The following B4GALNT1 variants were observed in gnomAD, a reference collection of about 807,000 sequenced individuals.
B4GALNT1 encodes beta-1,4-N-acetyl-galactosaminyltransferase 1.
A neutral mutation model predicts 55.2 loss-of-function variants in B4GALNT1; 43 were observed. That is an observed-to-expected ratio of 0.78 (90% CI 0.61 to 1.00). The LOEUF is 1.00. B4GALNT1 is among the 50% of genes least tolerant of loss of function. B4GALNT1 has a pLI of 0.00. For synonymous variants in B4GALNT1, 305 were observed against 311.6 expected (o/e 0.98, Z 0.22); for missense variants, 664 against 729.7 (o/e 0.91, Z 1.04).
Position 57,623,465 on chromosome 12 carries a change from G to A in B4GALNT1, c.*3279C>T, listed in dbSNP as rs1884591853. 2.3e-6 allele frequency: 1 copy of A among 439,112 alleles called. No individual in the cohort carries two copies. Among genetic ancestry groups the A allele is most frequent in the Non-Finnish European group, 4.0e-6 (1 of 247,966 alleles). The allele number at this position is 439,112 out of a possible 1,614,324, so 27.2% of individuals were successfully genotyped here. A position where few individuals can be genotyped will look rare whatever the true frequency, so the allele number is the denominator to read the frequency against. On this transcript the variant is annotated 3_prime_UTR_variant, in exon 11 of 11. Transcript: ENST00000341156. ...CACACAATGACATTGTCTTTTAAAA[G>A]GAATATCACATATCAAAGTCTCCCC...
chr12:57,623,531 C>T lies in B4GALNT1; in HGVS notation c.*3213G>A. On this transcript the variant is annotated 3_prime_UTR_variant, in exon 11 of 11. Coordinates refer to ENST00000341156, the MANE Select transcript of B4GALNT1 (RefSeq NM_001478.5). ...TCCCTTACTTTGCTGGTGCCCTAAA[C>T]ACATATACCCTGCTTATAGGGTAAC... 1 of 467,440 alleles carries T rather than the reference C, an allele frequency of 2.1e-6. No individual in the cohort carries two copies. Among genetic ancestry groups the T allele is most frequent in the Non-Finnish European group, 3.8e-6 (1 of 263,928 alleles). The allele number at this position is 467,440 out of a possible 1,614,324, so 29.0% of individuals were successfully genotyped here.
Position 57,628,837 on chromosome 12 carries a change from C to T in B4GALNT1, c.878G>A (p.Arg293Gln), listed in dbSNP as rs761637341. 11 of 1,614,146 alleles carry T rather than the reference C, an allele frequency of 6.8e-6. No homozygotes were observed. Among genetic ancestry groups the T allele is most frequent in the East Asian group, 4.5e-5 (2 of 44,888 alleles). Residue 293 changes from arginine to glutamine, a missense_variant, in exon 8 of 11, where the codon CGG becomes CAG. Physicochemically the swap from Arg to Gln is conservative, Grantham distance 43. Transcript: ENST00000341156. The stretch of plus-strand genomic sequence containing the variant: ...GCGGCGGATACTGGTGATGAGAGCC[C>T]GTAGCCGATCATAACGGAGGAAGGT... ...TKTFLRYDRL[R>Q]ALITSIRRFY...
intron 7 of B4GALNT1, 65 bp downstream of exon 7, chr12:57,628,983 G>T (rs910057961): frequency 6.3e-7 from 1 of 1,594,796 alleles, no homozygotes. Flanking sequence ...TCCCAGGACT[G>T]CCCTCTCCCA....
chr12:57,623,954 G>GCTT lies in B4GALNT1; in HGVS notation c.*2789_*2790insAAG. On this transcript the variant is annotated 3_prime_UTR_variant, in exon 11 of 11. Coordinates refer to ENST00000341156, the MANE Select transcript of B4GALNT1 (RefSeq NM_001478.5). ...GGCATGAGCATGGCTGGGAGGGGTAGCTGTATTCCAGGACATCGAGGTAGT... is the reference window on the plus strand; with the variant it reads ...GGCATGAGCATGGCTGGGAGGGGTAGCTTCTGTATTCCAGGACATCGAGGTAGT... 2 of 1,613,284 alleles carry GCTT rather than the reference G, an allele frequency of 1.2e-6. No individual in the cohort carries two copies. The highest frequency in any genetic ancestry group is 1.7e-4 in the Middle Eastern group (1 of 6,054).
Position 57,627,150 on chromosome 12 carries a change from G to A in B4GALNT1, c.1385-189C>T, listed in dbSNP as rs10083154. Among the ~76,000 whole-genome samples the A allele has an allele frequency of 0.37, 56,922 of 151,874 alleles. 11,168 individuals carry two copies. Among genetic ancestry groups the A allele is most frequent in the East Asian group, 0.63 (3,243 of 5,142 alleles). ...GTGTAAATGGAGTCAATATACTTGT[G>A]CTTTGAAAATCGAAAAACCTACCCC... On this transcript the variant is annotated intron_variant, in intron 10 of 10. Coordinates refer to ENST00000341156, the MANE Select transcript of B4GALNT1 (RefSeq NM_001478.5).
In B4GALNT1 at chr12:57,626,515, C is replaced by T; in HGVS notation, c.*229G>A. 1.8e-6 allele frequency: 1 copy of T among 570,226 alleles called. No homozygotes were observed. The highest frequency in any genetic ancestry group is 3.1e-5 in the Admixed American group (1 of 32,404). 35.3% of individuals were successfully genotyped at this position (570,226 alleles called of 1,614,324 possible). A position where few individuals can be genotyped will look rare whatever the true frequency, so the allele number is the denominator to read the frequency against. On this transcript the variant is annotated 3_prime_UTR_variant, in exon 11 of 11. Coordinates refer to ENST00000341156, the MANE Select transcript of B4GALNT1 (RefSeq NM_001478.5). Reference sequence around the variant, plus strand: ...GAATGGGCAGGGGGAGGACTTGGCACTGGCTGTGGGAGAGGTTATGGCTCC... The same window carrying T: ...GAATGGGCAGGGGGAGGACTTGGCATTGGCTGTGGGAGAGGTTATGGCTCC...
Position 57,630,500 on chromosome 12 carries a change from G to A in B4GALNT1, c.509C>T (p.Ala170Val), listed in dbSNP as rs1131691417. The change falls in exon 5 of 11, where the codon GCT (alanine) becomes GTT (valine). Residue 170 changes from alanine to valine, a missense_variant. By Grantham distance (64) the Ala-to-Val change is moderately conservative. Coordinates refer to ENST00000341156, the MANE Select transcript of B4GALNT1 (RefSeq NM_001478.5). ...ILVPGLSLQA[A>V]SGQEVYQVNL... The stretch of plus-strand genomic sequence containing the variant: ...CACCTGGTATACCTCCTGACCAGAA[G>A]CTGCCTGAAGGCTCAGCCCTAGGAG... The A allele has an allele frequency of 3.7e-6, 6 of 1,609,210 alleles. No individual in the cohort carries two copies. Among genetic ancestry groups the A allele is most frequent in the East Asian group, 2.2e-5 (1 of 44,860 alleles).
In B4GALNT1 at chr12:57,624,314, G is replaced by C; in HGVS notation, c.*2430C>G. The C allele has an allele frequency of 6.4e-6, 4 of 629,832 alleles. No individual in the cohort carries two copies. Among genetic ancestry groups the C allele is most frequent in the South Asian group, 1.9e-5 (1 of 53,102 alleles). The allele number at this position is 629,832 out of a possible 1,614,324, so 39.0% of individuals were successfully genotyped here. Reference sequence around the variant, plus strand: ...TATTTGTAACTTCCCAACTGGTGCGGGTCATTACATTTGGTGTGTGTCCCA... The same window carrying C: ...TATTTGTAACTTCCCAACTGGTGCGCGTCATTACATTTGGTGTGTGTCCCA... On this transcript the variant is annotated 3_prime_UTR_variant, in exon 11 of 11. Transcript: ENST00000341156.
rs1594975690 is a variant in B4GALNT1 at position 57,626,574 on chromosome 12, G to A, written c.*170C>T. On this transcript the variant is annotated 3_prime_UTR_variant, in exon 11 of 11. Coordinates refer to ENST00000341156, the MANE Select transcript of B4GALNT1 (RefSeq NM_001478.5). ...TCTGGGCACTGGAAAAAGGAGGGGT[G>A]TCACCAGGACAACCCCTACTGGGCA... 2 of 735,462 alleles carry A rather than the reference G, an allele frequency of 2.7e-6. No individual in the cohort carries two copies. The highest frequency in any genetic ancestry group is 5.3e-5 in the East Asian group (2 of 37,712). The allele number at this position is 735,462 out of a possible 1,614,324, so 45.6% of individuals were successfully genotyped here.
At chr12:57,629,706 G>T (rs539029805) in intron 6 of B4GALNT1, 3 of 1,326,314 alleles carry the variant, frequency 2.3e-6, no homozygotes, top group Non-Finnish European at 3.0e-6. Context: ...TGAGAAAATA[G>T]AAAGTGCAAA....
At position 57,627,730 on chromosome 12, in the gene B4GALNT1, G is replaced by A. The variant is rs143066025; in HGVS notation, c.1272C>T (p.Val424=). ...RQRRGFHHEL[V]GFPGCVVTDG... is the part of the protein sequence containing the mutation. ...CGGTGACCACGCAGCCTGGGAAGCC[G>A]ACGAGCTCGTGGTGGAAGCCGCGCC... The change falls in exon 10 of 11, where the codon GTC becomes GTT. Residue 424 remains valine (V), a synonymous_variant. Coordinates refer to ENST00000341156, the MANE Select transcript of B4GALNT1 (RefSeq NM_001478.5). The A allele has an allele frequency of 2.8e-4, 451 of 1,611,688 alleles. 1 individual carries two copies. In the African/African-American group the frequency reaches 5.4e-3, roughly 19 times the overall value.
In B4GALNT1 at chr12:57,630,507, GA is replaced by G; in HGVS notation, c.501del (p.Gln168ArgfsTer11). 2 of 1,608,882 alleles carry G rather than the reference GA, an allele frequency of 1.2e-6. No homozygotes were observed. The highest frequency in any genetic ancestry group is 1.7e-6 in the Non-Finnish European group (2 of 1,177,568). ...LRSILVPGLS[L>X]QAASGQEVYQ... ...TATACCTCCTGACCAGAAGCTGCCT[GA>G]AGGCTCAGCCCTAGGAGAAAGGAGT... On this transcript the variant is annotated frameshift_variant, in exon 5 of 11. Transcript: ENST00000341156. LOFTEE classifies it high-confidence loss of function.
intron 8 of B4GALNT1, 112 bp downstream of exon 8, chr12:57,628,601 C>G (rs1594980835): frequency 1.5e-6 from 2 of 1,293,708 alleles, no homozygotes; most frequent in East Asian, 4.9e-5. Flanking sequence ...TAACAGGCAC[C>G]CCATGATTCT....
At chr12:57,627,468 G>C in intron 10 of B4GALNT1, 150 bp downstream of exon 10, 1 of 844,870 alleles carries the variant, frequency 1.2e-6, no homozygotes, top group South Asian at 4.6e-5. Context: ...CTCTCGCCCA[G>C]GTGCAGGTCT....
At position 57,632,104 on chromosome 12, in the gene B4GALNT1, G is replaced by A; in HGVS notation, c.29C>T (p.Ala10Val). The A allele has an allele frequency of 6.7e-7, 1 of 1,481,698 alleles. No homozygotes were observed. Among genetic ancestry groups the A allele is most frequent in the Non-Finnish European group, 9.0e-7 (1 of 1,115,002 alleles). The allele number at this position is 1,481,698 out of a possible 1,614,324, so 91.8% of individuals were successfully genotyped here. A position where few individuals can be genotyped will look rare whatever the true frequency, so the allele number is the denominator to read the frequency against. Reference sequence around the variant, plus strand: ...GGCGCAGGCGAGCAGAAGGACCAGAGCGCACAGGGCCCGGCGGCCCAGCCA... The same window carrying A: ...GGCGCAGGCGAGCAGAAGGACCAGAACGCACAGGGCCCGGCGGCCCAGCCA... MWLGRRALCALVLLLACASL... is the reference protein window; with the variant it reads MWLGRRALCVLVLLLACASL... Residue 10 changes from alanine to valine, a missense_variant, in exon 2 of 11, where the codon GCT (alanine) becomes GTT (valine). Physicochemically the swap from Ala to Val is moderately conservative, Grantham distance 64. Coordinates refer to ENST00000341156, the MANE Select transcript of B4GALNT1 (RefSeq NM_001478.5).
chr12:57,627,399 T>A (rs1404243092), intron 10 of B4GALNT1, among the ~76,000 whole-genome samples: 1 of 131,600 alleles, frequency 7.6e-6, no homozygotes, highest in Non-Finnish European at 1.6e-5. Context: ...TAACAAAAAA[T>A]ATATATATTT....
At position 57,626,681 on chromosome 12, in the gene B4GALNT1, G is replaced by A; in HGVS notation, c.*63C>T. The A allele has an allele frequency of 6.3e-7, 1 of 1,589,638 alleles. No individual in the cohort carries two copies. On this transcript the variant is annotated 3_prime_UTR_variant, in exon 11 of 11. Transcript: ENST00000341156. ...GCTCACAGGGTGGTGGGGTTTGTTG[G>A]AAATTCCTGGCAGGGACAAGGAGGC...
In B4GALNT1 at chr12:57,626,907, A is replaced by G. The variant is rs1565737261; in HGVS notation, c.1439T>C (p.Val480Ala). The G allele has an allele frequency of 1.2e-6, 2 of 1,614,196 alleles. No homozygotes were observed. Among genetic ancestry groups the G allele is most frequent in the Non-Finnish European group, 1.7e-6 (2 of 1,180,026 alleles). The change falls in exon 11 of 11, where the codon GTG (valine) becomes GCG (alanine). Residue 480 changes from valine (V) to alanine (A), a missense_variant. Coordinates refer to ENST00000341156, the MANE Select transcript of B4GALNT1 (RefSeq NM_001478.5). Reference protein sequence around the residue: ...SLRVGSCSDVVVDHASKLKLP... With the variant: ...SLRVGSCSDVAVDHASKLKLP... ...CTTCAGTTTGGATGCATGATCCACC[A>G]CGACGTCGGAGCAGGAGCCAACCCG...
chr12:57,627,313 G>A (rs1226425640), intron 10 of B4GALNT1, among the ~76,000 whole-genome samples: 1 of 151,842 alleles, frequency 6.6e-6, no homozygotes, highest in East Asian at 1.9e-4. Context: ...TGCTGGGAAT[G>A]GAGATTCAAC....
Sources: gnomAD v4.1 joint callset for allele counts (sites outside exome capture counted in the v4.1 genomes callset) on GRCh38, gnomAD v4.1.1 for gene constraint, MANE v1.5 for transcripts, NCBI Gene and HGNC (gene_info 2026-07-23, HGNC 2026-07-21) for gene names.